Variants in DMD observed in about 807,000 individuals in gnomAD.
DMD encodes dystrophin.
Under a neutral mutation model 330.1 loss-of-function variants are expected in DMD, and 63 were observed. That is an observed-to-expected ratio of 0.19 (90% confidence interval 0.16 to 0.24). The LOEUF is 0.24. Ranked by LOEUF, DMD falls within the 10% of genes least tolerant of loss-of-function variation. The probability of loss-of-function intolerance (pLI) is 1.00; values close to 1 mark genes in which losing one functional copy is unlikely to be tolerated. For synonymous variants in DMD, 1,223 were observed against 959.8 expected, an observed-to-expected ratio of 1.27 and a Z score of -5.07; for missense variants, 3,344 against 2,684.1, an observed-to-expected ratio of 1.25 and a Z score of -5.43.
At chrX:33,026,061 C>T (rs973814588) in intron 1 of DMD, among the ~76,000 whole-genome samples, 1 of 110,185 alleles carries the variant, frequency 9.1e-6, no homozygotes, top group African/African-American at 3.3e-5. Flanking sequence ...TGAAGCCGGG[C>T]GCAGTGGCTC....
intron 42 of DMD, among the ~76,000 whole-genome samples, chrX:32,304,848 A>G (rs2097534856): frequency 9.0e-6 from 1 of 111,637 alleles, no homozygotes; most frequent in Admixed American, 9.5e-5. Flanking sequence ...CAAAGTCACA[A>G]TGTATTAATA....
intron 7 of DMD, among the ~76,000 whole-genome samples, chrX:32,736,016 A>C (rs1273156574): frequency 8.9e-6 from 1 of 111,759 alleles, no homozygotes; most frequent in Non-Finnish European, 1.9e-5. Flanking sequence ...CAACCTACTC[A>C]TCTGACAAAG....
chrX:32,793,994 T>A (rs1220607260), intron 7 of DMD, among the ~76,000 whole-genome samples: 1 of 111,399 alleles, frequency 9.0e-6, no homozygotes, highest in Non-Finnish European at 1.9e-5. Flanking sequence ...CTCTACAAAA[T>A]GCTAGCAATC....
chrX:32,848,648 T>G (rs113690693), intron 3 of DMD, among the ~76,000 whole-genome samples: 4 of 96,333 alleles, frequency 4.2e-5, no homozygotes, highest in Non-Finnish European at 9.5e-5. Context: ...CTTCAGAATT[T>G]AATTGAGGAG....
At chrX:31,823,000 T>C (rs1257323213) in intron 49 of DMD, among the ~76,000 whole-genome samples, 1 of 77,009 alleles carries the variant, frequency 1.3e-5, no homozygotes, top group Non-Finnish European at 2.4e-5. Flanking sequence ...TGATTTTACG[T>C]GCCCACCCTA....
At chrX:31,914,040 G>A (rs894950707) in intron 47 of DMD, among the ~76,000 whole-genome samples, 8 of 112,246 alleles carry the variant, frequency 7.1e-5, no homozygotes, top group African/African-American at 2.6e-4. Context: ...CTTTGATGGT[G>A]GGATTACATA....
chrX:31,746,129 A>C (rs1398524871), intron 51 of DMD, among the ~76,000 whole-genome samples: 1 of 112,374 alleles, frequency 8.9e-6, no homozygotes, highest in African/African-American at 3.2e-5. Flanking sequence ...TTTTAAAAAC[A>C]TTTTGAAGAT....
chrX:32,052,782 T>C (rs2147540031), intron 44 of DMD, among the ~76,000 whole-genome samples: 1 of 111,221 alleles, frequency 9.0e-6, no homozygotes, highest in Non-Finnish European at 1.9e-5. Flanking sequence ...TGACATTAAT[T>C]GGAAATGAAT....
intron 3 of DMD, among the ~76,000 whole-genome samples, chrX:32,846,984 C>A (rs184179720): frequency 3.7e-5 from 4 of 108,575 alleles, no homozygotes; most frequent in African/African-American, 6.7e-5. Context: ...CCAGCCTGGG[C>A]GACAGAGTAA....
chrX:31,812,652 A>G (rs189583198), intron 50 of DMD, among the ~76,000 whole-genome samples: 7 of 112,078 alleles, frequency 6.2e-5, no homozygotes, highest in African/African-American at 2.3e-4. Context: ...TTGATATTCA[A>G]TTTAAATAGA....
intron 54 of DMD, among the ~76,000 whole-genome samples, chrX:31,630,495 A>G (rs1267105029): frequency 9.0e-6 from 1 of 110,843 alleles, no homozygotes; most frequent in African/African-American, 3.3e-5. Context: ...CTCGGAATCT[A>G]TGTGTGTGTA....
chrX:31,535,900 C>T (rs1013420614), intron 55 of DMD, among the ~76,000 whole-genome samples: 4 of 111,785 alleles, frequency 3.6e-5, no homozygotes, highest in Non-Finnish European at 7.5e-5. Context: ...GAATGCAAAG[C>T]CCTTTGAAAG....
intron 41 of DMD, among the ~76,000 whole-genome samples, chrX:32,325,998 A>G (rs2097648844): frequency 9.0e-6 from 1 of 111,476 alleles, no homozygotes; most frequent in African/African-American, 3.3e-5. Flanking sequence ...CCATAAAAAT[A>G]CAACTTTTTG....
At chrX:31,536,087 C>G (rs911426660) in intron 55 of DMD, among the ~76,000 whole-genome samples, 2 of 111,649 alleles carry the variant, frequency 1.8e-5, no homozygotes, top group African/African-American at 3.3e-5. Context: ...GGTAGAAAAC[C>G]TATCCTGGGA....
chrX:31,671,496 T>C (rs1473315751), intron 53 of DMD, among the ~76,000 whole-genome samples: 1 of 112,547 alleles, frequency 8.9e-6, no homozygotes, highest in African/African-American at 3.2e-5. Flanking sequence ...TAAGGCATAT[T>C]GCTCTGTAGC....
chrX:32,694,617 C>T (rs991820463), intron 9 of DMD, among the ~76,000 whole-genome samples: 3 of 110,934 alleles, frequency 2.7e-5, no homozygotes, highest in Non-Finnish European at 3.8e-5. Flanking sequence ...GAAAAGCTCA[C>T]AGATAAAATT....
chrX:31,284,582 TTCTTCTTC>T (rs2052962327), intron 62 of DMD, among the ~76,000 whole-genome samples: 1 of 95,955 alleles, frequency 1.0e-5, no homozygotes, highest in Non-Finnish European at 2.0e-5. Flanking sequence ...CTTCTTCTTC[TTCTTCTTC>T]TTCTTCTTCT....
intron 52 of DMD, among the ~76,000 whole-genome samples, chrX:31,724,671 C>T (rs1372062735): frequency 8.9e-6 from 1 of 111,895 alleles, no homozygotes; most frequent in East Asian, 2.8e-4. Context: ...CATATTCTCC[C>T]ATCTCCAGTT....
chrX:31,286,122 A>G (rs2147941795), intron 62 of DMD, among the ~76,000 whole-genome samples: 1 of 112,294 alleles, frequency 8.9e-6, no homozygotes, highest in East Asian at 2.8e-4. Context: ...TGCCTTCAGG[A>G]AAGCACAGCT....
Sources: gnomAD v4.1 joint callset for allele counts (sites outside exome capture counted in the v4.1 genomes callset) on GRCh38, gnomAD v4.1.1 for gene constraint, MANE v1.5 for transcripts, NCBI Gene and HGNC (gene_info 2026-07-23, HGNC 2026-07-21) for gene names.